The following TENM4 variants were observed in gnomAD, a reference collection of about 807,000 sequenced individuals.
TENM4 encodes teneurin transmembrane protein 4.
In TENM4, 82 loss-of-function variants were observed where a neutral mutation model predicts 243.3. The ratio of observed to expected loss-of-function variants is 0.34; its 90% confidence interval spans 0.28 to 0.40. The LOEUF is 0.40. Among genes scored for constraint, TENM4 ranks in the 10% least tolerant of loss-of-function variants. The pLI is 1.00. For missense variants in TENM4, 3,138 were observed against 3,673.3 expected (o/e 0.85, Z 3.77); for synonymous variants, 1,412 against 1,456.3 (o/e 0.97, Z 0.69).
intron 12 of TENM4, among the ~76,000 whole-genome samples, chr11:78,834,019 A>G (rs1858042031): frequency 6.6e-6 from 1 of 152,170 alleles, no homozygotes; most frequent in South Asian, 2.1e-4. Flanking sequence ...CCGTCAGCCC[A>G]TGTCCCTCAG....
intron 4 of TENM4, among the ~76,000 whole-genome samples, chr11:79,140,163 C>T (rs905506662): frequency 2.6e-5 from 4 of 152,002 alleles, no homozygotes; most frequent in Admixed American, 2.0e-4. Context: ...TAGGCAGTTC[C>T]GGCGTGCAAC....
chr11:79,363,047 G>A (rs2135496324), intron 1 of TENM4, among the ~76,000 whole-genome samples: 1 of 152,220 alleles, frequency 6.6e-6, no homozygotes, highest in South Asian at 2.1e-4. Flanking sequence ...TCACACAGGT[G>A]GATTGCAACT....
At chr11:79,372,178 G>A (rs1481727933) in intron 1 of TENM4, among the ~76,000 whole-genome samples, 1 of 152,052 alleles carries the variant, frequency 6.6e-6, no homozygotes, top group East Asian at 1.9e-4. Context: ...ATTTTGAGTG[G>A]TGATTTTATT....
chr11:78,951,062 A>G (rs1857098870), intron 6 of TENM4, among the ~76,000 whole-genome samples: 1 of 152,226 alleles, frequency 6.6e-6, no homozygotes, highest in Non-Finnish European at 1.5e-5. Flanking sequence ...CCCCGGGAAA[A>G]TGCAGCGTGC....
intron 1 of TENM4, among the ~76,000 whole-genome samples, chr11:79,377,173 C>G (rs1017667453): frequency 1.3e-5 from 2 of 152,188 alleles, no homozygotes; most frequent in Non-Finnish European, 2.9e-5. Context: ...CTGGAAGAGG[C>G]AGAAACAGAT....
intron 1 of TENM4, among the ~76,000 whole-genome samples, chr11:79,383,368 C>T (rs116223681): frequency 0.017 from 2,560 of 152,322 alleles, 65 homozygotes; most frequent in African/African-American, 0.058. Flanking sequence ...CCCAGGTGCC[C>T]TCAACATCTC....
chr11:79,249,159 T>C (rs1855569004), intron 2 of TENM4, among the ~76,000 whole-genome samples: 1 of 152,236 alleles, frequency 6.6e-6, no homozygotes, highest in South Asian at 2.1e-4. Context: ...TATCTAGTAC[T>C]TACTACCTAC....
chr11:79,112,593 G>A (rs1392746393), intron 4 of TENM4, among the ~76,000 whole-genome samples: 1 of 152,128 alleles, frequency 6.6e-6, no homozygotes, highest in Non-Finnish European at 1.5e-5. Flanking sequence ...CTGTGGTGCG[G>A]TAGAGACCCT....
chr11:78,774,527 G>C (rs7484137), intron 17 of TENM4, among the ~76,000 whole-genome samples: 18,645 of 152,162 alleles, frequency 0.12, 1,354 homozygotes, highest in East Asian at 0.35. Flanking sequence ...ATACTGAAAT[G>C]ATCAATTCTG....
chr11:78,986,108 G>A (rs975703163), intron 6 of TENM4, among the ~76,000 whole-genome samples: 13 of 152,284 alleles, frequency 8.5e-5, no homozygotes, highest in African/African-American at 3.1e-4. Flanking sequence ...CTTACTCCTA[G>A]AATGGAGAAG....
At chr11:78,910,055 G>T (rs937926941) in intron 6 of TENM4, among the ~76,000 whole-genome samples, 3 of 152,280 alleles carry the variant, frequency 2.0e-5, no homozygotes, top group Middle Eastern at 6.8e-3. Context: ...TCTTTTATAA[G>T]ATCACATTCA....
intron 26 of TENM4, among the ~76,000 whole-genome samples, chr11:78,709,614 AC>A (rs893591943): frequency 6.6e-6 from 1 of 152,038 alleles, no homozygotes; most frequent in Non-Finnish European, 1.5e-5. Flanking sequence ...GCTAAACTGC[AC>A]CCCCCAGGTA....
In TENM4 at chr11:79,282,008, T is replaced by A. The variant is rs904446758; in HGVS notation, c.-265+15480A>T. On this transcript the variant is annotated intron_variant, in intron 2 of 33. Transcript: ENST00000278550. Reference sequence around the variant, plus strand: ...GGCCCACTAGGCAGATTCCTATGCATCTTTCATGATTCCATGTGGATCACA... The same window carrying A: ...GGCCCACTAGGCAGATTCCTATGCAACTTTCATGATTCCATGTGGATCACA... Among the ~76,000 whole-genome samples the A allele has an allele frequency of 7.9e-5, 12 of 152,238 alleles. 1 individual carries two copies. The highest frequency in any genetic ancestry group is 7.2e-4 in the Admixed American group (11 of 15,288).
intron 4 of TENM4, among the ~76,000 whole-genome samples, chr11:79,088,340 G>A (rs753187733): frequency 1.3e-5 from 2 of 152,140 alleles, no homozygotes; most frequent in Non-Finnish European, 2.9e-5. Flanking sequence ...CTGAGACCCT[G>A]TATTGCGGGG....
intron 1 of TENM4, among the ~76,000 whole-genome samples, chr11:79,406,791 A>T (rs77092174): frequency 7.7e-4 from 117 of 152,250 alleles, no homozygotes; most frequent in African/African-American, 2.7e-3. Flanking sequence ...CTGTATTTTT[A>T]AAAAAATATG....
At position 78,654,615 on chromosome 11, in the gene TENM4, CTCAG is replaced by C. The variant is rs1222816182; in HGVS notation, c.*3439_*3442del. On this transcript the variant is annotated 3_prime_UTR_variant, in exon 34 of 34. Coordinates refer to ENST00000278550, the MANE Select transcript of TENM4 (RefSeq NM_001098816.3). ...CACACACCTCCTGGCCATTCTCACC[CTCAG>C]TCAGTTTCTTAGGGATCGTTTCCAA... The C allele has an allele frequency of 3.9e-5, 6 of 152,254 alleles. No individual in the cohort carries two copies. The highest frequency in any genetic ancestry group is 1.4e-4 in the African/African-American group (6 of 41,458). The allele number at this position is 152,254 out of a possible 1,614,324, so 9.4% of individuals were successfully genotyped here.
At position 79,108,888 on chromosome 11, in the gene TENM4, G is replaced by A. The variant is rs557989693; in HGVS notation, c.-65-38879C>T. Among the ~76,000 whole-genome samples, 98 of 152,002 alleles carry A rather than the reference G, an allele frequency of 6.4e-4. 1 individual carries two copies. The highest frequency in any genetic ancestry group is 2.2e-3 in the African/African-American group (92 of 41,460). ...TCCCTGTCTGCTTTCCCTTCTCTTA[G>A]CCCCTTTCCTCCTTCCCTTCCACTC... On this transcript the variant is annotated intron_variant, in intron 4 of 33. Transcript: ENST00000278550.
At chr11:79,148,127 C>T (rs1337725179) in intron 4 of TENM4, among the ~76,000 whole-genome samples, 2 of 152,116 alleles carry the variant, frequency 1.3e-5, no homozygotes, top group African/African-American at 2.4e-5. Context: ...GCAAAGATCA[C>T]TGGAGGTGCT....
At chr11:78,724,115 ACTCT>A (rs1221293829) in intron 23 of TENM4, among the ~76,000 whole-genome samples, 13 of 145,482 alleles carry the variant, frequency 8.9e-5, no homozygotes, top group African/African-American at 3.1e-4. Flanking sequence ...ACAGGGTCTC[ACTCT>A]GTTGCCCAGG....
Sources: allele counts gnomAD v4.1 joint callset (sites outside exome capture counted in the v4.1 genomes callset), GRCh38; gene constraint gnomAD v4.1.1; transcripts MANE v1.5; gene names NCBI Gene and HGNC (gene_info 2026-07-23, HGNC 2026-07-21).